The following GRID2 variants were observed in gnomAD, a reference collection of about 807,000 sequenced individuals.
The protein encoded by GRID2 is glutamate ionotropic receptor delta type subunit 2.
In GRID2, 33 loss-of-function variants were observed where a neutral mutation model predicts 114.8. The ratio of observed to expected loss-of-function variants is 0.29; its 90% CI spans 0.22 to 0.38. The LOEUF is 0.38. Ranked by LOEUF, GRID2 falls within the 10% of genes least tolerant of loss-of-function variation. The pLI, the probability that GRID2 is intolerant of heterozygous loss-of-function variation, is 1.00. For missense variants in GRID2, 1,184 were observed against 1,257.7 expected (o/e 0.94, Z 0.89); for synonymous variants, 505 against 449.9 (o/e 1.12, Z -1.55).
Position 92,616,978 on chromosome 4 carries a change from T to C in GRID2, c.244+26692T>C, listed in dbSNP as rs1044041899. ...AGTGTTGTGTGATACATATAATGTATAGTGATTATATACACTAATGTATAG... is the reference window on the plus strand; with the variant it reads ...AGTGTTGTGTGATACATATAATGTACAGTGATTATATACACTAATGTATAG... On this transcript the variant is annotated intron_variant, in intron 2 of 15. Coordinates refer to ENST00000282020, the MANE Select transcript of GRID2 (RefSeq NM_001510.4). 2.6e-5 allele frequency among the ~76,000 whole-genome samples: 4 copies of C among 151,598 alleles called. No individual in the cohort carries two copies. The Admixed American group carries it at 2.6e-4, about 10-fold the overall frequency.
chr4:93,749,176 G>A (rs1018677336), intron 14 of GRID2, among the ~76,000 whole-genome samples: 12 of 151,864 alleles, frequency 7.9e-5, no homozygotes, highest in African/African-American at 2.9e-4. Context: ...AGAGGTTAGG[G>A]GATTTTTAAA....
chr4:92,831,302 C>T (rs1742082805), intron 2 of GRID2, among the ~76,000 whole-genome samples: 2 of 152,234 alleles, frequency 1.3e-5, no homozygotes, highest in African/African-American at 4.8e-5. Context: ...GAGTATGCTT[C>T]ACAGAAAACC....
chr4:93,422,135 G>T (rs906619590), intron 9 of GRID2, among the ~76,000 whole-genome samples: 4 of 152,122 alleles, frequency 2.6e-5, no homozygotes, highest in Non-Finnish European at 5.9e-5. Context: ...AGATAAAAGA[G>T]GTGGAAGCAG....
At chr4:93,352,059 G>A (rs530643162) in intron 8 of GRID2, among the ~76,000 whole-genome samples, 11 of 152,020 alleles carry the variant, frequency 7.2e-5, no homozygotes, top group South Asian at 2.1e-4. Flanking sequence ...ACAGAAGCTC[G>A]AATATGAAAT....
At chr4:92,614,653 G>A (rs1729916056) in intron 2 of GRID2, among the ~76,000 whole-genome samples, 1 of 151,598 alleles carries the variant, frequency 6.6e-6, no homozygotes, top group Non-Finnish European at 1.5e-5. Flanking sequence ...GTATATTCAT[G>A]TGTGCTTGAT....
intron 14 of GRID2, among the ~76,000 whole-genome samples, chr4:93,726,566 T>C (rs1178078325): frequency 6.6e-6 from 1 of 152,206 alleles, no homozygotes; most frequent in Non-Finnish European, 1.5e-5. Flanking sequence ...ATCTATAAAT[T>C]ACCTTGGGCA....
At chr4:92,878,228 T>C (rs995622218) in intron 2 of GRID2, among the ~76,000 whole-genome samples, 6 of 152,324 alleles carry the variant, frequency 3.9e-5, no homozygotes, top group African/African-American at 1.2e-4. Context: ...ACATTAATTC[T>C]CCATTAAAAA....
intron 8 of GRID2, among the ~76,000 whole-genome samples, chr4:93,246,265 G>A (rs1455784662): frequency 2.0e-5 from 3 of 152,082 alleles, no homozygotes; most frequent in South Asian, 4.1e-4. Flanking sequence ...GTCTTGGAAG[G>A]TTTATATAAT....
At chr4:93,221,794 C>T (rs545386112) in intron 6 of GRID2, among the ~76,000 whole-genome samples, 1 of 152,190 alleles carries the variant, frequency 6.6e-6, no homozygotes, top group East Asian at 1.9e-4. Context: ...GGGAATATTA[C>T]CACCACTTCT....
At chr4:92,460,724 A>G (rs892580610) in intron 1 of GRID2, among the ~76,000 whole-genome samples, 2 of 152,116 alleles carry the variant, frequency 1.3e-5, no homozygotes, top group Non-Finnish European at 2.9e-5. Flanking sequence ...ACTCATTTTG[A>G]AAGTCTAAAC....
intron 2 of GRID2, among the ~76,000 whole-genome samples, chr4:92,852,335 C>G (rs1743876652): frequency 1.3e-5 from 2 of 151,840 alleles, no homozygotes; most frequent in South Asian, 4.1e-4. Flanking sequence ...TCCTCTTTTC[C>G]CTTTCTGCCT....
At chr4:92,662,104 C>G (rs1732548218) in intron 2 of GRID2, among the ~76,000 whole-genome samples, 1 of 151,036 alleles carries the variant, frequency 6.6e-6, no homozygotes, top group South Asian at 2.1e-4. Context: ...CTAAGCCCTT[C>G]TCATCCTCAC....
chr4:93,662,233 T>G (rs568961303), intron 14 of GRID2, among the ~76,000 whole-genome samples: 1 of 152,256 alleles, frequency 6.6e-6, no homozygotes, highest in African/African-American at 2.4e-5. Context: ...ACCAACCTAC[T>G]TAAAGGCACA....
chr4:92,500,380 A>T (rs1445877080), intron 1 of GRID2, among the ~76,000 whole-genome samples: 21 of 149,532 alleles, frequency 1.4e-4, no homozygotes, highest in African/African-American at 5.3e-4. Flanking sequence ...CAAAAGTTAA[A>T]TTCTTTTAAA....
intron 2 of GRID2, among the ~76,000 whole-genome samples, chr4:92,761,061 A>G (rs1012230232): frequency 1.3e-5 from 2 of 152,108 alleles, no homozygotes; most frequent in Non-Finnish European, 2.9e-5. Context: ...TGCCTATTTT[A>G]ACTACATTGT....
At chr4:92,486,570 CACACACACACACACACACACAA>C (rs1722903128) in intron 1 of GRID2, among the ~76,000 whole-genome samples, 1 of 151,056 alleles carries the variant, frequency 6.6e-6, no homozygotes, top group Admixed American at 6.6e-5. Context: ...CACACACACA[CACACACACACACACACACACAA>C]ACACAGATAA....
chr4:92,353,755 GC>G (rs1490453819), intron 1 of GRID2, among the ~76,000 whole-genome samples: 4 of 151,944 alleles, frequency 2.6e-5, no homozygotes, highest in Non-Finnish European at 5.9e-5. Context: ...ATATGGATCA[GC>G]CCAAGTTAAA....
chr4:92,820,821 T>C (rs1466327748), intron 2 of GRID2, among the ~76,000 whole-genome samples: 1 of 152,106 alleles, frequency 6.6e-6, no homozygotes, highest in Non-Finnish European at 1.5e-5. Context: ...ATTAAAATTA[T>C]CATGTTATAA....
intron 8 of GRID2, among the ~76,000 whole-genome samples, chr4:93,379,751 C>G (rs367554142): frequency 1.3e-5 from 2 of 151,868 alleles, no homozygotes; most frequent in South Asian, 4.2e-4. Context: ...GACTGAAGCC[C>G]AGGATAATAT....
Sources: gnomAD v4.1 joint callset for allele counts (sites outside exome capture counted in the v4.1 genomes callset) on GRCh38, gnomAD v4.1.1 for gene constraint, MANE v1.5 for transcripts, NCBI Gene and HGNC (gene_info 2026-07-23, HGNC 2026-07-21) for gene names.